The following CRACDL variants were observed in gnomAD, a reference collection of about 807,000 sequenced individuals.
The protein encoded by CRACDL is CRACD like, also known as CRACD-like protein.
CRACDL carries 26 observed loss-of-function variants against 70.6 expected under a neutral mutation model. That is an observed-to-expected ratio of 0.37 (90% CI 0.27 to 0.51). The LOEUF is 0.51. Among genes scored for constraint, CRACDL ranks in the 20% least tolerant of loss-of-function variants. The pLI, the probability that CRACDL is intolerant of heterozygous loss-of-function variation, is 0.94. For synonymous variants in CRACDL, 618 were observed against 615.2 expected (o/e 1.00, Z -0.07); for missense variants, 1,283 against 1,376.9 (o/e 0.93, Z 1.08).
intron 1 of CRACDL, among the ~76,000 whole-genome samples, chr2:98,871,377 C>T (rs927438355): frequency 3.3e-5 from 5 of 152,166 alleles, no homozygotes; most frequent in Non-Finnish European, 5.9e-5. Flanking sequence ...AGGCTCACAA[C>T]CAGCTATGAG....
Position 98,832,919 on chromosome 2 carries a change from A to G in CRACDL, c.318T>C (p.Thr106=). ...IFIPESGQDA[T]RPVRVFSQEN... ...CTTGGGAAAACACCCGCACAGGCCG[A>G]GTAGCGTCCTGTCCGGACTCAGGAA... The change falls in exon 4 of 10, where the codon ACT becomes ACC. Residue 106 remains threonine, a synonymous_variant. Transcript: ENST00000397899. 6.2e-7 allele frequency: 1 copy of G among 1,613,958 alleles called. No homozygotes were observed. The highest frequency in any genetic ancestry group is 8.5e-7 in the Non-Finnish European group (1 of 1,179,782).
Position 98,823,663 on chromosome 2 carries a change from A to G in CRACDL, c.736-126T>C, listed in dbSNP as rs1705192691. On this transcript the variant is annotated intron_variant, in intron 6 of 9. Transcript: ENST00000397899. This position sits in a 1 kb window ranked among gnomAD's most constrained non-coding sequence, Gnocchi z 4.0. ...AGCACTATAAAGCTGGCACTTAAGT[A>G]GGCATGTACCCACGGGTGTCTTTTC... The G allele has an allele frequency of 8.4e-6, 10 of 1,186,514 alleles. No homozygotes were observed. The highest frequency in any genetic ancestry group is 1.2e-5 in the Non-Finnish European group (10 of 836,900). The allele number at this position is 1,186,514 out of a possible 1,614,324, so 73.5% of individuals were successfully genotyped here.
chr2:98,846,327 A>G (rs1265458890), intron 2 of CRACDL, among the ~76,000 whole-genome samples: 1 of 152,156 alleles, frequency 6.6e-6, no homozygotes, highest in Non-Finnish European at 1.5e-5. Flanking sequence ...CTCTCTCCTG[A>G]TGTAATTATT....
At chr2:98,904,845 G>T (rs1178466707) in intron 1 of CRACDL, among the ~76,000 whole-genome samples, 2 of 152,210 alleles carry the variant, frequency 1.3e-5, no homozygotes, top group African/African-American at 4.8e-5. Context: ...GACCCCCAAT[G>T]TTGGAGATGG....
chr2:98,861,004 A>C (rs2104571879), intron 1 of CRACDL, among the ~76,000 whole-genome samples: 1 of 152,362 alleles, frequency 6.6e-6, no homozygotes, highest in African/African-American at 2.4e-5. Context: ...AGGCAAATGA[A>C]TGGCTAATAA....
At chr2:98,927,507 A>C (rs1233000071) in intron 1 of CRACDL, among the ~76,000 whole-genome samples, 1 of 152,184 alleles carries the variant, frequency 6.6e-6, no homozygotes, top group African/African-American at 2.4e-5. Context: ...TGGGGAAAAA[A>C]AAAAAAAAAA....
rs148416441 is a variant in CRACDL at position 98,914,619 on chromosome 2, C to T, written c.-11+21319G>A. On this transcript the variant is annotated intron_variant, in intron 1 of 9. Transcript: ENST00000397899. Reference sequence around the variant, plus strand: ...CGCAGGGCACAGAGGAGCTCTGTCCCCTGCCCCCCACCAGCCTTCGCCTGC... The same window carrying T: ...CGCAGGGCACAGAGGAGCTCTGTCCTCTGCCCCCCACCAGCCTTCGCCTGC... Among the ~76,000 whole-genome samples the T allele has an allele frequency of 7.9e-3, 1,208 of 152,306 alleles. 10 individuals carry two copies. Among genetic ancestry groups the T allele is most frequent in the Middle Eastern group, 0.014 (4 of 294 alleles).
At position 98,881,425 on chromosome 2, in the gene CRACDL, G is replaced by A. The variant is rs1019714062; in HGVS notation, c.-10-34615C>T. On this transcript the variant is annotated intron_variant, in intron 1 of 9. Coordinates refer to ENST00000397899, the MANE Select transcript of CRACDL (RefSeq NM_207362.3). ...TGAGAAGCACTGCCTTACAGCTCTT[G>A]TTCTCAACCCCAGCTGCACATCAGA... Among the ~76,000 whole-genome samples the A allele has an allele frequency of 5.9e-5, 9 of 152,338 alleles. No homozygotes were observed. The South Asian group carries it at 1.9e-3, about 32-fold the overall frequency.
intron 1 of CRACDL, among the ~76,000 whole-genome samples, chr2:98,850,095 C>A (rs773348086): frequency 1.3e-5 from 2 of 152,220 alleles, no homozygotes; most frequent in African/African-American, 2.4e-5. Context: ...AGCAGGTAAG[C>A]GCCAGTCTTC....
rs149693000 is a variant in CRACDL at position 98,812,528 on chromosome 2, A to C, written c.2416+9329T>G. On this transcript the variant is annotated intron_variant, in intron 7 of 9. Transcript: ENST00000397899. ...TCCTCACAAGCACAATGGTATTATT[A>C]ATATTTTTTGTTTTGGTCATTTTAA... 1.2e-3 allele frequency among the ~76,000 whole-genome samples: 182 copies of C among 152,240 alleles called. 4 individuals carry two copies. In the South Asian group the frequency reaches 0.018, roughly 15 times the overall value.
intron 1 of CRACDL, among the ~76,000 whole-genome samples, chr2:98,919,194 T>C (rs933175431): frequency 4.6e-5 from 7 of 152,178 alleles, no homozygotes; most frequent in Non-Finnish European, 1.0e-4. Context: ...GGGTGTCCAT[T>C]TTTATACCAG....
At chr2:98,826,889 G>C (rs1405724133) in intron 6 of CRACDL, 86 bp downstream of exon 6, 2 of 958,846 alleles carry the variant, frequency 2.1e-6, no homozygotes, top group East Asian at 4.9e-5. Context: ...GACCCTGTGT[G>C]GGGGAGTGAG....
chr2:98,921,716 C>A (rs1402726638), intron 1 of CRACDL, among the ~76,000 whole-genome samples: 1 of 152,198 alleles, frequency 6.6e-6, no homozygotes, highest in Non-Finnish European at 1.5e-5. Flanking sequence ...TGCTCAGAAG[C>A]CAGGGCTGCT....
At chr2:98,901,894 C>G in intron 1 of CRACDL, among the ~76,000 whole-genome samples, 1 of 152,122 alleles carries the variant, frequency 6.6e-6, no homozygotes, top group Non-Finnish European at 1.5e-5. Flanking sequence ...CACAGCCCCT[C>G]CCCAAGAACT....
At chr2:98,899,147 C>G (rs1292768677) in intron 1 of CRACDL, among the ~76,000 whole-genome samples, 1 of 152,124 alleles carries the variant, frequency 6.6e-6, no homozygotes, top group Non-Finnish European at 1.5e-5. Context: ...GTGGCAGGAA[C>G]ATGAAATTCA....
chr2:98,873,141 A>G (rs1707394286), intron 1 of CRACDL, among the ~76,000 whole-genome samples: 1 of 152,180 alleles, frequency 6.6e-6, no homozygotes, highest in African/African-American at 2.4e-5. Flanking sequence ...CCTACGTGTA[A>G]GTTTCTATGC....
chr2:98,895,299 G>C (rs1216008684), intron 1 of CRACDL, among the ~76,000 whole-genome samples: 1 of 152,214 alleles, frequency 6.6e-6, no homozygotes, highest in Non-Finnish European at 1.5e-5. Context: ...CTAGAATTAT[G>C]ACACACACAG....
chr2:98,852,990 A>G (rs1363099113), intron 1 of CRACDL, among the ~76,000 whole-genome samples: 2 of 74,234 alleles, frequency 2.7e-5, no homozygotes, highest in Non-Finnish European at 5.0e-5. Context: ...AGAGAGAGAG[A>G]GGGAGGAGAG....
At chr2:98,843,518 T>A (rs1221737143) in intron 2 of CRACDL, among the ~76,000 whole-genome samples, 1 of 152,208 alleles carries the variant, frequency 6.6e-6, no homozygotes, top group Non-Finnish European at 1.5e-5. Context: ...GCGTTAGAGT[T>A]TTACATTTAG....
Sources: allele counts gnomAD v4.1 joint callset (sites outside exome capture counted in the v4.1 genomes callset), GRCh38; gene constraint gnomAD v4.1.1; non-coding constraint Gnocchi (gnomAD v3.1); transcripts MANE v1.5; gene names NCBI Gene and HGNC (gene_info 2026-07-23, HGNC 2026-07-21).